The following MYRIP variants were observed in gnomAD, a reference collection of about 807,000 sequenced individuals.
MYRIP encodes rab effector MyRIP.
Under a neutral mutation model 98.0 loss-of-function variants are expected in MYRIP, and 49 were observed. The ratio of observed to expected loss-of-function variants is 0.50; its 90% CI spans 0.40 to 0.63. The LOEUF (loss-of-function observed/expected upper bound fraction) is 0.63. Ranked by LOEUF, MYRIP falls within the 30% of genes least tolerant of loss-of-function variation. The probability of loss-of-function intolerance (pLI) is 0.00; values close to 1 mark genes in which losing one functional copy is unlikely to be tolerated. For missense variants in MYRIP, 1,004 were observed against 1,058.2 expected, an observed-to-expected ratio of 0.95 and a Z score of 0.71; for synonymous variants, 404 against 409.5, an observed-to-expected ratio of 0.99 and a Z score of 0.16.
intron 2 of MYRIP, among the ~76,000 whole-genome samples, chr3:40,031,336 A>T (rs1947256569): frequency 1.3e-5 from 2 of 152,118 alleles, no homozygotes; most frequent in Admixed American, 1.3e-4. Context: ...TCAACCTAAG[A>T]ATTTTCACAA....
intron 11 of MYRIP, among the ~76,000 whole-genome samples, chr3:40,216,769 T>C (rs1952132983): frequency 6.6e-6 from 1 of 152,110 alleles, no homozygotes; most frequent in South Asian, 2.1e-4. Context: ...ATGAAGAAAA[T>C]CCACTTCAAA....
intron 4 of MYRIP, among the ~76,000 whole-genome samples, chr3:40,155,651 CTGT>C (rs1241984085): frequency 1.3e-5 from 2 of 151,018 alleles, no homozygotes; most frequent in African/African-American, 4.9e-5. Context: ...TCTCCAGCAC[CTGT>C]TGTTTCCTGA....
chr3:39,949,351 G>T (rs1163049569), intron 2 of MYRIP, among the ~76,000 whole-genome samples: 1 of 152,112 alleles, frequency 6.6e-6, no homozygotes. Context: ...ATGAAGTTTA[G>T]TGTAAATTGA....
chr3:40,171,884 G>T (rs1950624385), intron 8 of MYRIP, among the ~76,000 whole-genome samples: 1 of 152,258 alleles, frequency 6.6e-6, no homozygotes, highest in Non-Finnish European at 1.5e-5. Flanking sequence ...TTGACTCACG[G>T]TTCCACATGG....
intron 2 of MYRIP, among the ~76,000 whole-genome samples, chr3:40,038,299 A>G (rs1325740820): frequency 6.6e-6 from 1 of 152,150 alleles, no homozygotes; most frequent in Non-Finnish European, 1.5e-5. Context: ...TAGATTAGGA[A>G]AGAGTAAATG....
At chr3:40,256,463 C>CA (rs1455889660) in intron 16 of MYRIP, among the ~76,000 whole-genome samples, 4 of 150,860 alleles carry the variant, frequency 2.7e-5, no homozygotes, top group African/African-American at 4.9e-5. Context: ...AAAATAAACC[C>CA]AAAAAACATT....
At chr3:39,842,783 G>C (rs1941844407) in intron 1 of MYRIP, among the ~76,000 whole-genome samples, 1 of 152,096 alleles carries the variant, frequency 6.6e-6, no homozygotes, top group Non-Finnish European at 1.5e-5. Flanking sequence ...CCCTCAGTGG[G>C]CTGCACCCAC....
intron 16 of MYRIP, 85 bp downstream of exon 16, chr3:40,252,084 C>T: frequency 9.8e-7 from 1 of 1,021,394 alleles, no homozygotes; most frequent in South Asian, 1.4e-5. Flanking sequence ...GTAGCTCCCG[C>T]ATCAGAACCC....
At chr3:40,158,536 A>T (rs1439241972) in intron 4 of MYRIP, among the ~76,000 whole-genome samples, 1 of 152,074 alleles carries the variant, frequency 6.6e-6, no homozygotes, top group Non-Finnish European at 1.5e-5. Context: ...GCTGAGTTCA[A>T]TTCCTGGGTA....
At chr3:40,231,519 G>A (rs1559467475) in intron 11 of MYRIP, among the ~76,000 whole-genome samples, 1 of 152,176 alleles carries the variant, frequency 6.6e-6, no homozygotes, top group East Asian at 1.9e-4. Context: ...ATTTGCCTTT[G>A]AGCTTGCAAC....
At chr3:39,840,969 G>A (rs1197177918) in intron 1 of MYRIP, among the ~76,000 whole-genome samples, 2 of 152,136 alleles carry the variant, frequency 1.3e-5, no homozygotes, top group East Asian at 1.9e-4. Flanking sequence ...GAGTATCTTT[G>A]TGGTGTTCTC....
In MYRIP at chr3:40,145,543, T is replaced by C. The variant is rs9821386; in HGVS notation, c.333-5505T>C. ...AGAAGTAGGCTTTGCCATGGACCAG[T>C]TGGCGACTCTTTCAGGGGTTTCTCT... On this transcript the variant is annotated intron_variant, in intron 3 of 16. Transcript: ENST00000302541. Among the ~76,000 whole-genome samples the C allele has an allele frequency of 7.6e-3, 1,165 of 152,308 alleles. 15 individuals are homozygous for C. The highest frequency in any genetic ancestry group is 0.027 in the African/African-American group (1,118 of 41,562).
intron 1 of MYRIP, among the ~76,000 whole-genome samples, chr3:39,862,253 G>A: frequency 6.6e-6 from 1 of 151,882 alleles, no homozygotes; most frequent in South Asian, 2.2e-4. Flanking sequence ...CATAAGCAAA[G>A]GAGAAATAAG....
chr3:39,852,782 TCTC>T (rs1244594362), intron 1 of MYRIP, among the ~76,000 whole-genome samples: 2 of 147,914 alleles, frequency 1.4e-5, no homozygotes, highest in East Asian at 3.9e-4. Flanking sequence ...TCTCTTCTGT[TCTC>T]CTCTTCTCCT....
chr3:40,040,577 C>T (rs1371994087), intron 2 of MYRIP, among the ~76,000 whole-genome samples: 56 of 62,122 alleles, frequency 9.0e-4, no homozygotes, highest in Non-Finnish European at 1.5e-3. Flanking sequence ...TTGGAACCAA[C>T]CCAAATGTCC....
In MYRIP at chr3:40,251,980, G is replaced by A. The variant is rs1953390664; in HGVS notation, c.2528G>A (p.Gly843Asp). The change falls in exon 16 of 17, where the codon GGC (glycine) becomes GAC (aspartate). Residue 843 changes from glycine (G) to aspartate (D), a missense_variant. Transcript: ENST00000302541. Reference protein sequence around the residue: ...SSTNRTKERKGTTKDLMEPAL... With the variant: ...SSTNRTKERKDTTKDLMEPAL... Reference sequence around the variant, plus strand: ...ACAAACAGGACTAAGGAAAGGAAAGGCACCACCAAGGATTTGATGGTAAAT... The same window carrying A: ...ACAAACAGGACTAAGGAAAGGAAAGACACCACCAAGGATTTGATGGTAAAT... The A allele has an allele frequency of 6.2e-7, 1 of 1,609,692 alleles. No individual in the cohort carries two copies. The highest frequency in any genetic ancestry group is 8.5e-7 in the Non-Finnish European group (1 of 1,176,134).
chr3:40,034,793 A>G (rs1947340221), intron 2 of MYRIP, among the ~76,000 whole-genome samples: 2 of 151,996 alleles, frequency 1.3e-5, no homozygotes, highest in South Asian at 2.1e-4. Context: ...TTGTGGCACT[A>G]TTCACAATAG....
intron 1 of MYRIP, among the ~76,000 whole-genome samples, chr3:39,837,190 C>A (rs1941653532): frequency 6.6e-6 from 1 of 152,176 alleles, no homozygotes; most frequent in South Asian, 2.1e-4. Flanking sequence ...ATGATAGTTT[C>A]TTTTGCTGTC....
At chr3:40,133,105 C>T (rs1949680909) in intron 3 of MYRIP, among the ~76,000 whole-genome samples, 1 of 152,144 alleles carries the variant, frequency 6.6e-6, no homozygotes, top group Non-Finnish European at 1.5e-5. Context: ...CTGTGTGGTG[C>T]CTAGAGTGAT....
Sources: gnomAD v4.1 joint callset for allele counts (sites outside exome capture counted in the v4.1 genomes callset) on GRCh38, gnomAD v4.1.1 for gene constraint, MANE v1.5 for transcripts, NCBI Gene and HGNC (gene_info 2026-07-23, HGNC 2026-07-21) for gene names.